The following DAD1 variants were observed in gnomAD, a reference collection of about 807,000 sequenced individuals.
The protein encoded by DAD1 is defender against cell death 1.
DAD1 carries 4 observed loss-of-function variants against 9.0 expected under a neutral mutation model. The observed-to-expected ratio is 0.44, with a 90% CI of 0.22 to 1.01. The LOEUF is 1.01. DAD1 is among the 50% of genes least tolerant of loss of function. The pLI is 0.24. For missense variants in DAD1, 119 were observed against 137.3 expected (o/e 0.87, Z 0.67); for synonymous variants, 60 against 62.5 (o/e 0.96, Z 0.19).
chr14:22,576,343 C>CA (rs1344038943), intron 1 of DAD1, among the ~76,000 whole-genome samples: 1 of 152,152 alleles, frequency 6.6e-6, no homozygotes, highest in Non-Finnish European at 1.5e-5. Context: ...ACCAAACTGA[C>CA]AAAACCACTC....
intron 2 of DAD1, among the ~76,000 whole-genome samples, chr14:22,570,804 G>C (rs1253161933): frequency 1.3e-5 from 2 of 152,116 alleles, no homozygotes; most frequent in African/African-American, 4.8e-5. Context: ...ACAAAACAAT[G>C]CTAACAAGGC....
chr14:22,588,394 G>C (rs1491003177), intron 1 of DAD1, among the ~76,000 whole-genome samples: 1 of 152,192 alleles, frequency 6.6e-6, no homozygotes, highest in Admixed American at 6.5e-5. Context: ...GGCTAAAATA[G>C]AGTTATGTGA....
At chr14:22,575,353 T>C in intron 1 of DAD1, 120 bp from the exon 2 acceptor site, 1 of 1,117,076 alleles carries the variant, frequency 9.0e-7, no homozygotes, top group East Asian at 2.6e-5. Context: ...AATGCATATA[T>C]ACATCAAAGG....
At chr14:22,585,479 ACAGT>A (rs1029142112) in intron 1 of DAD1, among the ~76,000 whole-genome samples, 3 of 152,218 alleles carry the variant, frequency 2.0e-5, no homozygotes, top group African/African-American at 7.2e-5. Context: ...TACAAGATAA[ACAGT>A]CAGCTACTGG....
At chr14:22,570,296 T>C (rs1189982121) in intron 2 of DAD1, among the ~76,000 whole-genome samples, 3 of 152,164 alleles carry the variant, frequency 2.0e-5, no homozygotes, top group Non-Finnish European at 4.4e-5. Flanking sequence ...TGCGGGTCTA[T>C]GTGCACAGTC....
At position 22,575,132 on chromosome 14, in the gene DAD1, G is replaced by A; in HGVS notation, c.313C>T (p.His105Tyr). The change falls in exon 2 of 3, where the codon CAC (histidine) becomes TAC (tyrosine). Residue 105 changes from histidine to tyrosine, a missense_variant. Physicochemically the swap from His to Tyr is moderately conservative, Grantham distance 83 (BLOSUM62 2). Coordinates refer to ENST00000250498, the MANE Select transcript of DAD1 (RefSeq NM_001344.4). ...ADFLFASTIL[H>Y]LVVMNFVG is the part of the protein sequence containing the mutation. Reference sequence around the variant, plus strand: ...CCAACAAAGTTCATGACAACAAGGTGCAGGATGGTGCTGGCAAAGAGAAAA... The same window carrying A: ...CCAACAAAGTTCATGACAACAAGGTACAGGATGGTGCTGGCAAAGAGAAAA... The A allele has an allele frequency of 3.1e-6, 5 of 1,614,128 alleles. No individual in the cohort carries two copies. Among genetic ancestry groups the A allele is most frequent in the Non-Finnish European group, 4.2e-6 (5 of 1,179,978 alleles).
At chr14:22,567,048 C>T (rs1276583003) in intron 2 of DAD1, 3 of 152,176 alleles carry the variant, frequency 2.0e-5, no homozygotes, top group Non-Finnish European at 4.4e-5. Context: ...AATAAAATCT[C>T]CTCCCCTGAT....
chr14:22,585,625 C>T (rs945459134), intron 1 of DAD1, among the ~76,000 whole-genome samples: 3 of 152,198 alleles, frequency 2.0e-5, no homozygotes, highest in Non-Finnish European at 2.9e-5. Flanking sequence ...ACCTCTGGTT[C>T]CTTCTTGAAA....
intron 2 of DAD1, among the ~76,000 whole-genome samples, chr14:22,566,900 A>T (rs1327312916): frequency 6.6e-6 from 1 of 152,222 alleles, no homozygotes; most frequent in East Asian, 1.9e-4. Flanking sequence ...TTTAAAGCAG[A>T]TCTATTTACC....
intron 2 of DAD1, among the ~76,000 whole-genome samples, chr14:22,569,759 A>C (rs1167643134): frequency 6.6e-6 from 1 of 152,252 alleles, no homozygotes; most frequent in African/African-American, 2.4e-5. Flanking sequence ...TATAAAATAG[A>C]GTTCAATAAA....
chr14:22,587,170 A>G (rs968855034), intron 1 of DAD1, among the ~76,000 whole-genome samples: 2 of 152,214 alleles, frequency 1.3e-5, no homozygotes, highest in African/African-American at 4.8e-5. Flanking sequence ...CTGATAATCT[A>G]TAACTCTAGT....
At chr14:22,588,863 G>T in intron 1 of DAD1, 84 bp downstream of exon 1, 1 of 1,344,766 alleles carries the variant, frequency 7.4e-7, no homozygotes, top group Non-Finnish European at 1.0e-6. Flanking sequence ...TCAAGGGGCG[G>T]TGGTCTGATA....
chr14:22,581,894 G>A (rs1405829032), intron 1 of DAD1, among the ~76,000 whole-genome samples: 1 of 152,048 alleles, frequency 6.6e-6, no homozygotes, highest in Non-Finnish European at 1.5e-5. Context: ...ACAGTATAAT[G>A]GTTCGCAAGG....
intron 2 of DAD1, among the ~76,000 whole-genome samples, chr14:22,570,819 G>A (rs1357181817): frequency 1.3e-5 from 2 of 152,122 alleles, no homozygotes; most frequent in African/African-American, 4.8e-5. Context: ...CAAGGCACAG[G>A]CATTTGGCAA....
chr14:22,588,812 C>T, intron 1 of DAD1, 135 bp downstream of exon 1: 1 of 880,686 alleles, frequency 1.1e-6, no homozygotes, highest in South Asian at 1.8e-5. Context: ...CTCAATTTCC[C>T]CATTCACAAC....
intron 2 of DAD1, among the ~76,000 whole-genome samples, chr14:22,568,691 T>C (rs2037017382): frequency 1.5e-5 from 2 of 134,364 alleles, no homozygotes; most frequent in East Asian, 4.2e-4. Flanking sequence ...ATACAAGTCT[T>C]CTGATTTTTT....
At chr14:22,570,319 C>G (rs1293463502) in intron 2 of DAD1, among the ~76,000 whole-genome samples, 2 of 152,128 alleles carry the variant, frequency 1.3e-5, no homozygotes, top group African/African-American at 2.4e-5. Flanking sequence ...GGTCTTCCCC[C>G]ACACAACAAA....
At chr14:22,570,685 G>C (rs1281398650) in intron 2 of DAD1, among the ~76,000 whole-genome samples, 1 of 152,186 alleles carries the variant, frequency 6.6e-6, no homozygotes, top group Admixed American at 6.5e-5. Flanking sequence ...AAACAGTGCT[G>C]CCAGTCAGAG....
At chr14:22,574,159 CG>C (rs1290537593) in intron 2 of DAD1, among the ~76,000 whole-genome samples, 2 of 152,102 alleles carry the variant, frequency 1.3e-5, no homozygotes, top group African/African-American at 4.8e-5. Flanking sequence ...GGAAGGAGTA[CG>C]GGGCCAAGAA....
Sources: gnomAD v4.1 joint callset for allele counts (sites outside exome capture counted in the v4.1 genomes callset) on GRCh38, gnomAD v4.1.1 for gene constraint, MANE v1.5 for transcripts, NCBI Gene and HGNC (gene_info 2026-07-23, HGNC 2026-07-21) for gene names.